Variants in MRC2 observed in about 807,000 individuals in gnomAD.
The protein encoded by MRC2 is mannose receptor C-type 2.
Under a neutral mutation model 206.2 loss-of-function variants are expected in MRC2, and 84 were observed. That is an observed-to-expected ratio of 0.41 (90% CI 0.34 to 0.49). The LOEUF is 0.49. Among genes scored for constraint, MRC2 ranks in the 20% least tolerant of loss-of-function variants. The probability of loss-of-function intolerance (pLI) is 0.31; values close to 1 mark genes in which losing one functional copy is unlikely to be tolerated. For synonymous variants in MRC2, 798 were observed against 800.0 expected (o/e 1.00, Z 0.04); for missense variants, 1,676 against 2,001.5 (o/e 0.84, Z 3.10).
intron 1 of MRC2, among the ~76,000 whole-genome samples, chr17:62,635,273 G>A (rs966865252): frequency 2.1e-5 from 3 of 139,764 alleles, no homozygotes; most frequent in Admixed American, 7.6e-5. Flanking sequence ...TACTGTAAGT[G>A]CCAAAAAGTA....
intron 28 of MRC2, among the ~76,000 whole-genome samples, chr17:62,691,369 G>C (rs2147496479): frequency 6.6e-6 from 1 of 152,362 alleles, no homozygotes; most frequent in East Asian, 1.9e-4. Flanking sequence ...TCACTTTGTA[G>C]TGGTCAAGGG....
chr17:62,658,207 G>C (rs567273421), intron 1 of MRC2, among the ~76,000 whole-genome samples: 37 of 152,140 alleles, frequency 2.4e-4, no homozygotes, highest in Non-Finnish European at 5.0e-4. Flanking sequence ...AACGCCCCCA[G>C]ACACCTGGGA....
In MRC2 at chr17:62,642,207, T is replaced by C. The variant is rs151016241; in HGVS notation, c.118+14287T>C. On this transcript the variant is annotated intron_variant, in intron 1 of 29. Coordinates refer to ENST00000303375, the MANE Select transcript of MRC2 (RefSeq NM_006039.5). ...AATCTAGAATAGTTGCTTGGCCTTG[T>C]TGTCTTTTATCGGCATTGCATTTTT... Among the ~76,000 whole-genome samples, 755 of 152,312 alleles carry C rather than the reference T, an allele frequency of 5.0e-3. 4 individuals carry two copies. The highest frequency in any genetic ancestry group is 0.016 in the African/African-American group (682 of 41,562).
Position 62,680,059 on chromosome 17 carries a change from C to T in MRC2, c.2299-111C>T. ...CAGGTCCGAGAGGGGTCACCCGGCC[C>T]CCGGTGAGAATTCGCAGCTCAGGCC... On this transcript the variant is annotated intron_variant, in intron 14 of 29. Transcript: ENST00000303375. The surrounding 1 kb of genome is among the most constrained non-coding windows in gnomAD (Gnocchi z 4.8). 2 of 1,548,970 alleles carry T rather than the reference C, an allele frequency of 1.3e-6. No homozygotes were observed. Among genetic ancestry groups the T allele is most frequent in the Non-Finnish European group, 8.8e-7 (1 of 1,137,874 alleles).
intron 13 of MRC2, among the ~76,000 whole-genome samples, chr17:62,679,050 TGA>T (rs2147480285): frequency 6.6e-6 from 1 of 152,214 alleles, no homozygotes; most frequent in East Asian, 1.9e-4. Flanking sequence ...CAGTTTTTCC[TGA>T]GAGATAGGAG....
Position 62,680,481 on chromosome 17 carries a change from C to T in MRC2, c.2473+28C>T, listed in dbSNP as rs754159112. The T allele has an allele frequency of 2.5e-6, 4 of 1,613,470 alleles. No individual in the cohort carries two copies. In the East Asian group the frequency reaches 8.9e-5, roughly 36 times the overall value. ...GAGCACCCCCCAGCCCATCCCGCTA[C>T]CCATCGCGTGGGAGAGGGCGTCAAC... On this transcript the variant is annotated intron_variant, in intron 16 of 29. Transcript: ENST00000303375. This position sits in a 1 kb window ranked among gnomAD's most constrained non-coding sequence, Gnocchi z 4.8.
In MRC2 at chr17:62,692,840, C is replaced by A; in HGVS notation, c.*389C>A. ...CAGAGCCCGAGGAGCCTCCCCTGTC[C>A]CCTCGGGCAGATCTGTTGTGTCTCT... On this transcript the variant is annotated 3_prime_UTR_variant, in exon 30 of 30. Transcript: ENST00000303375. The surrounding 1 kb of genome is among the most constrained non-coding windows in gnomAD (Gnocchi z 4.2). 4.7e-6 allele frequency: 1 copy of A among 213,310 alleles called. No individual in the cohort carries two copies. The highest frequency in any genetic ancestry group is 9.7e-6 in the Non-Finnish European group (1 of 103,270). 13.2% of individuals were successfully genotyped at this position (213,310 alleles called of 1,614,324 possible). A position where few individuals can be genotyped will look rare whatever the true frequency, so the allele number is the denominator to read the frequency against.
rs760350605 is a variant in MRC2 at position 62,664,805 on chromosome 17, C to T, written c.376C>T (p.Leu126=). The part of the protein sequence containing the change: ...ALNLRWHCRT[L]GDQLSLLLGA... ...GAATCTTCGCTGGCATTGTCGTACA[C>T]TGGGTGACCAGCTGTCCTTGCTCCT... The change falls in exon 2 of 30, where the codon CTG becomes TTG. Residue 126 remains leucine (L), a synonymous_variant. Coordinates refer to ENST00000303375, the MANE Select transcript of MRC2 (RefSeq NM_006039.5). This position sits in a 1 kb window ranked among gnomAD's most constrained non-coding sequence, Gnocchi z 4.7. 1.9e-6 allele frequency: 3 copies of T among 1,613,812 alleles called. No individual in the cohort carries two copies. In the African/African-American group the frequency reaches 4.0e-5, roughly 22 times the overall value.
At chr17:62,635,191 C>CTTTTTTTTTTTT (rs35446845) in intron 1 of MRC2, among the ~76,000 whole-genome samples, 3 of 101,732 alleles carry the variant, frequency 2.9e-5, no homozygotes, top group Admixed American at 1.1e-4. Context: ...CTATTTTTCT[C>CTTTTTTTTTTTT]TTTTTTTTTT....
In MRC2 at chr17:62,689,666, TGG is replaced by T; in HGVS notation, c.3480_3481del (p.Ala1161LeufsTer74). ...CTGTGTGAGAGCCGCAATGCCAGCC[TGG>T]CCTACGTGCCCGACCCCTACACCCA... On this transcript the variant is annotated frameshift_variant, in exon 24 of 30. Transcript: ENST00000303375. LOFTEE classifies it high-confidence loss of function. 1 of 1,591,212 alleles carries T rather than the reference TGG, an allele frequency of 6.3e-7. No individual in the cohort carries two copies. The highest frequency in any genetic ancestry group is 8.6e-7 in the Non-Finnish European group (1 of 1,168,976).
chr17:62,691,997 G>C (rs2089117487), intron 28 of MRC2, 115 bp from the exon 29 acceptor site: 2 of 1,375,634 alleles, frequency 1.5e-6, no homozygotes, highest in Admixed American at 1.8e-5. Context: ...GGGGGAACTA[G>C]AGCCTCTTTC....
chr17:62,642,019 A>G (rs1323973339), intron 1 of MRC2, among the ~76,000 whole-genome samples: 1 of 152,220 alleles, frequency 6.6e-6, no homozygotes, highest in African/African-American at 2.4e-5. Flanking sequence ...ACATGCTACT[A>G]TGTAACCATA....
In MRC2 at chr17:62,679,913, C is replaced by G; in HGVS notation, c.2298+11C>G. On this transcript the variant is annotated intron_variant, in intron 14 of 29. Coordinates refer to ENST00000303375, the MANE Select transcript of MRC2 (RefSeq NM_006039.5). The stretch of plus-strand genomic sequence containing the variant: ...AGCGACGGCGTAGGGGTGAGGGGGC[C>G]TGGGGTACTTGGGACTGCGAGGCCG... 1 of 1,589,632 alleles carries G rather than the reference C, an allele frequency of 6.3e-7. No individual in the cohort carries two copies. Among genetic ancestry groups the G allele is most frequent in the Non-Finnish European group, 8.6e-7 (1 of 1,168,096 alleles).
chr17:62,677,344 C>T lies in MRC2; in HGVS notation c.1910C>T (p.Ser637Leu), dbSNP rs765509790. 8.7e-6 allele frequency: 14 copies of T among 1,608,404 alleles called. No individual in the cohort carries two copies. The highest frequency in any genetic ancestry group is 1.7e-4 in the Middle Eastern group (1 of 6,060). ...CTGTGGGAGGTGAAGAACTGTACCT[C>T]GTTCCGGGCCCGCTACATCTGCCGG... ...MGLWEVKNCT[S>L]FRARYICRQS... The change falls in exon 12 of 30, where the codon TCG becomes TTG. Residue 637 changes from serine to leucine, a missense_variant. By Grantham distance (145) the Ser-to-Leu change is moderately radical. Around this residue, in one of 3 missense-constraint regions of MRC2, gnomAD observed 1,354 missense variants for 1,636.6 expected, o/e 0.83. Coordinates refer to ENST00000303375, the MANE Select transcript of MRC2 (RefSeq NM_006039.5).
chr17:62,674,806 G>T (rs1006561498), intron 9 of MRC2, among the ~76,000 whole-genome samples: 2 of 152,128 alleles, frequency 1.3e-5, no homozygotes, highest in African/African-American at 4.8e-5. Context: ...AGTGGAGCAG[G>T]GGTGCAAATG....
rs559633208 is a variant in MRC2, at chr17:62,692,220, C to T, written c.4220-11C>T. Reference sequence around the variant, plus strand: ...GCCCACTTGGCCTTTCACGCCCACTCGCCTTGGCAGCGCTTCCAGAGAACC... The same window carrying T: ...GCCCACTTGGCCTTTCACGCCCACTTGCCTTGGCAGCGCTTCCAGAGAACC... On this transcript the variant is annotated splice_polypyrimidine_tract_variant and intron_variant, in intron 29 of 29. Coordinates refer to ENST00000303375, the MANE Select transcript of MRC2 (RefSeq NM_006039.5). The surrounding 1 kb of genome is among the most constrained non-coding windows in gnomAD (Gnocchi z 4.2). 1,234 of 1,612,658 alleles carry T rather than the reference C, an allele frequency of 7.7e-4. 28 individuals carry two copies. In the South Asian group the frequency reaches 0.013, roughly 16 times the overall value.
intron 6 of MRC2, among the ~76,000 whole-genome samples, chr17:62,669,543 T>A (rs530406086): frequency 5.7e-4 from 87 of 151,570 alleles, no homozygotes; most frequent in Non-Finnish European, 4.3e-4. Context: ...ATTTATTTAT[T>A]TTTTGAAACA....
chr17:62,680,181 C>A lies in MRC2; in HGVS notation c.2310C>A (p.His770Gln). 6.2e-7 allele frequency: 1 copy of A among 1,614,122 alleles called. No individual in the cohort carries two copies. The highest frequency in any genetic ancestry group is 1.7e-5 in the Admixed American group (1 of 60,024). Residue 770 changes from histidine (H) to glutamine (Q), a missense_variant, in exon 15 of 30, where the codon CAC (histidine) becomes CAA (glutamine). His to Gln is a conservative substitution (Grantham distance 24, BLOSUM62 0). Around this residue, in one of 3 missense-constraint regions of MRC2, gnomAD observed 1,354 missense variants for 1,636.6 expected, o/e 0.83. Coordinates refer to ENST00000303375, the MANE Select transcript of MRC2 (RefSeq NM_006039.5). This position sits in a 1 kb window ranked among gnomAD's most constrained non-coding sequence, Gnocchi z 4.8. Reference sequence around the variant, plus strand: ...CCCGCCTCCTCCAGTTCTCTTACCACAATTTCGACCGGAGCCGGCACGACG... The same window carrying A: ...CCCGCCTCCTCCAGTTCTCTTACCAAAATTTCGACCGGAGCCGGCACGACG... ...RWSDGVGFSY[H>Q]NFDRSRHDDD... is the part of the protein sequence containing the mutation.
chr17:62,679,119 C>T (rs1025490413), intron 13 of MRC2, among the ~76,000 whole-genome samples: 7 of 152,212 alleles, frequency 4.6e-5, no homozygotes, highest in Non-Finnish European at 1.0e-4. Context: ...GACACCACCT[C>T]TGTCCTGGGC....
Sources: gnomAD v4.1 joint callset for allele counts (sites outside exome capture counted in the v4.1 genomes callset) on GRCh38, gnomAD v4.1.1 for gene constraint, gnomAD v4.1.1 regional missense constraint, Gnocchi (gnomAD v3.1) non-coding constraint, MANE v1.5 for transcripts, NCBI Gene and HGNC (gene_info 2026-07-23, HGNC 2026-07-21) for gene names.